FAM89A: variants seen among roughly 807,000 people sequenced by gnomAD.
The protein encoded by FAM89A is family with sequence similarity 89 member A.
A neutral mutation model predicts 7.1 loss-of-function variants in FAM89A; 10 were observed. The ratio of observed to expected loss-of-function variants is 1.40; its 90% CI spans 0.86 to 2.38. The LOEUF is 2.38. FAM89A is among the 30% of genes most tolerant of loss of function. The pLI, the probability that FAM89A is intolerant of heterozygous loss-of-function variation, is 0.00. For missense variants in FAM89A, 276 were observed against 262.8 expected (o/e 1.05, Z -0.35); for synonymous variants, 157 against 129.3 (o/e 1.21, Z -1.45).
At chr1:231,039,606 C>T (rs1020488231) in intron 1 of FAM89A, among the ~76,000 whole-genome samples, 40 of 152,182 alleles carry the variant, frequency 2.6e-4, no homozygotes, top group African/African-American at 8.7e-4. Context: ...GCCGCCCCCG[C>T]CCCCAGGCCA....
chr1:231,032,730 C>T (rs1409457714), intron 1 of FAM89A, among the ~76,000 whole-genome samples: 2 of 152,108 alleles, frequency 1.3e-5, no homozygotes, highest in Non-Finnish European at 1.5e-5. Flanking sequence ...CCTAAGAATA[C>T]ACTCGCTTTC....
intron 1 of FAM89A, chr1:231,026,703 G>T (rs1166440532): frequency 6.6e-6 from 1 of 152,138 alleles, no homozygotes; most frequent in African/African-American, 2.4e-5. Flanking sequence ...AACACCCGTG[G>T]CCTTTCCTCT....
At chr1:231,021,825 A>G in intron 1 of FAM89A, 1 of 1,600,976 alleles carries the variant, frequency 6.2e-7, no homozygotes, top group Non-Finnish European at 8.6e-7. Flanking sequence ...ATTGTTGACA[A>G]AAGAAGAAGA....
chr1:231,025,973 A>C (rs1217203403), intron 1 of FAM89A: 1 of 153,774 alleles, frequency 6.5e-6, no homozygotes, highest in East Asian at 1.9e-4. Flanking sequence ...ACAGAATTAA[A>C]AGTGCAGGCT....
chr1:231,031,393 G>A (rs1428450280), intron 1 of FAM89A, among the ~76,000 whole-genome samples: 1 of 152,128 alleles, frequency 6.6e-6, no homozygotes, highest in South Asian at 2.1e-4. Flanking sequence ...CCAATGAAAT[G>A]TTCACACTCT....
Position 231,021,819 on chromosome 1 carries a change from T to C in FAM89A, c.292-1693A>G, listed in dbSNP as rs114560637. ...ACTCACAATGACTCTGTTGTGATTG[T>C]TGACAAAAGAAGAAGACCAAGGAGG... On this transcript the variant is annotated intron_variant, in intron 1 of 1. Transcript: ENST00000366654. The C allele has an allele frequency of 1.7e-3, 2,783 of 1,601,576 alleles. 44 individuals are homozygous for C. In the African/African-American group the frequency reaches 0.033, roughly 19 times the overall value.
At chr1:231,021,716 A>G in intron 1 of FAM89A, 1 of 1,596,480 alleles carries the variant, frequency 6.3e-7, no homozygotes, top group Non-Finnish European at 8.6e-7. Flanking sequence ...AGCAGAACCC[A>G]TAGAACTCGT....
At chr1:231,034,771 TC>T (rs58787681) in intron 1 of FAM89A, among the ~76,000 whole-genome samples, 44,440 of 87,548 alleles carry the variant, frequency 0.51, 7,619 homozygotes, top group East Asian at 0.6. Context: ...AAACTCTGTC[TC>T]AAAAAAAAAA....
chr1:231,030,712 G>A (rs1680052706), intron 1 of FAM89A, among the ~76,000 whole-genome samples: 1 of 152,010 alleles, frequency 6.6e-6, no homozygotes, highest in African/African-American at 2.4e-5. Context: ...AAATGTTTTG[G>A]TCTCCAAACA....
At chr1:231,039,659 A>G (rs765828910) in intron 1 of FAM89A, among the ~76,000 whole-genome samples, 5 of 152,090 alleles carry the variant, frequency 3.3e-5, no homozygotes, top group Non-Finnish European at 7.4e-5. Context: ...CAGGTTTCCG[A>G]GCCAGCGGGG....
intron 1 of FAM89A, chr1:231,028,487 C>T (rs758719751): frequency 4.6e-5 from 7 of 152,044 alleles, no homozygotes; most frequent in African/African-American, 9.7e-5. Context: ...GCTGGGGAGC[C>T]GCCGAGCAAG....
chr1:231,030,159 T>C (rs1449364012), intron 1 of FAM89A, among the ~76,000 whole-genome samples: 3 of 152,212 alleles, frequency 2.0e-5, no homozygotes, highest in Non-Finnish European at 4.4e-5. Flanking sequence ...TCTCCTCCCA[T>C]GGGCGGAAAC....
At position 231,040,123 on chromosome 1, in the gene FAM89A, C is replaced by G. The variant is rs1449056827; in HGVS notation, c.89G>C (p.Ser30Thr). The change falls in exon 1 of 2, where the codon AGC becomes ACC. Residue 30 changes from serine (S) to threonine (T), a missense_variant. Transcript: ENST00000366654. ...CGCCGAGTGCAGCAGCCCGCTCAAGCTCTTTGGCAGCGGGGGCAGCCCGTC... is the reference window on the plus strand; with the variant it reads ...CGCCGAGTGCAGCAGCCCGCTCAAGGTCTTTGGCAGCGGGGGCAGCCCGTC... ...RVDGLPPLPK[S>T]LSGLLHSASG... The G allele has an allele frequency of 7.2e-7, 1 of 1,391,350 alleles. No homozygotes were observed. The highest frequency in any genetic ancestry group is 9.4e-7 in the Non-Finnish European group (1 of 1,068,148). The allele number at this position is 1,391,350 out of a possible 1,614,324, so 86.2% of individuals were successfully genotyped here.
At position 231,028,643 on chromosome 1, in the gene FAM89A, T is replaced by C. The variant is rs371679254; in HGVS notation, c.292-8517A>G. 3.3e-5 allele frequency: 5 copies of C among 152,304 alleles called. No homozygotes were observed. In the South Asian group the frequency reaches 8.3e-4, roughly 25 times the overall value. 9.4% of individuals were successfully genotyped at this position (152,304 alleles called of 1,614,324 possible). A position where few individuals can be genotyped will look rare whatever the true frequency, so the allele number is the denominator to read the frequency against. On this transcript the variant is annotated intron_variant, in intron 1 of 1. Coordinates refer to ENST00000366654, the MANE Select transcript of FAM89A (RefSeq NM_198552.3). Reference sequence around the variant, plus strand: ...CGTTTTGAAAATGCAGACAGGCTCATTTAAGAAAAACATGGAATGCTCAAA... The same window carrying C: ...CGTTTTGAAAATGCAGACAGGCTCACTTAAGAAAAACATGGAATGCTCAAA...
chr1:231,022,356 G>T (rs948112565), intron 1 of FAM89A, among the ~76,000 whole-genome samples: 8 of 152,182 alleles, frequency 5.3e-5, no homozygotes, highest in Non-Finnish European at 1.0e-4. Flanking sequence ...CTATGGCGCT[G>T]GACCCAGGGC....
chr1:231,033,277 G>A (rs752866132), intron 1 of FAM89A, among the ~76,000 whole-genome samples: 4 of 152,212 alleles, frequency 2.6e-5, no homozygotes, highest in Admixed American at 1.3e-4. Context: ...AGCCAGCCTC[G>A]GGGGATCGCT....
intron 1 of FAM89A, among the ~76,000 whole-genome samples, chr1:231,031,682 C>A (rs1375755908): frequency 6.6e-6 from 1 of 152,170 alleles, no homozygotes; most frequent in Non-Finnish European, 1.5e-5. Flanking sequence ...AGCATATATT[C>A]CTCAAAGCAC....
intron 1 of FAM89A, among the ~76,000 whole-genome samples, chr1:231,034,560 G>T (rs1453253937): frequency 6.6e-6 from 1 of 152,080 alleles, no homozygotes; most frequent in African/African-American, 2.4e-5. Flanking sequence ...ATCATCTGAG[G>T]TCAGAAGTTC....
At chr1:231,024,906 C>A (rs1208021771) in intron 1 of FAM89A, among the ~76,000 whole-genome samples, 3 of 139,850 alleles carry the variant, frequency 2.1e-5, no homozygotes, top group Non-Finnish European at 4.6e-5. Flanking sequence ...GTTGCTACCA[C>A]AACTACTCTT....
Sources: allele counts gnomAD v4.1 joint callset (sites outside exome capture counted in the v4.1 genomes callset), GRCh38; gene constraint gnomAD v4.1.1; transcripts MANE v1.5; gene names NCBI Gene and HGNC (gene_info 2026-07-23, HGNC 2026-07-21).